VPS39: variants seen among roughly 807,000 people sequenced by gnomAD.
VPS39 encodes the protein vam6/Vps39-like protein.
In VPS39, 70 loss-of-function variants were observed where a neutral mutation model predicts 121.0. The observed-to-expected ratio is 0.58, with a 90% CI of 0.48 to 0.71. The LOEUF (loss-of-function observed/expected upper bound fraction) is 0.71. Among genes scored for constraint, VPS39 ranks in the 30% least tolerant of loss-of-function variants. The pLI, the probability that VPS39 is intolerant of heterozygous loss-of-function variation, is 0.00. For synonymous variants in VPS39, 378 were observed against 398.1 expected, an observed-to-expected ratio of 0.95 and a Z score of 0.60; for missense variants, 818 against 1,051.5, an observed-to-expected ratio of 0.78 and a Z score of 3.07.
intron 6 of VPS39, 58 bp from the exon 7 acceptor site, chr15:42,187,421 T>C: frequency 6.8e-7 from 1 of 1,481,384 alleles, no homozygotes. Flanking sequence ...AAATCATGAC[T>C]TTCCTGTTAT....
intron 8 of VPS39, among the ~76,000 whole-genome samples, chr15:42,179,614 TAAATAAATA>T (rs1286664601): frequency 4.1e-5 from 5 of 122,592 alleles, no homozygotes; most frequent in Non-Finnish European, 8.6e-5. Flanking sequence ...AATAAATAAA[TAAATAAATA>T]AAATAAAAAA....
intron 10 of VPS39, among the ~76,000 whole-genome samples, chr15:42,174,535 C>T (rs2049410023): frequency 6.6e-6 from 1 of 152,282 alleles, no homozygotes. Flanking sequence ...AATAGAAAAA[C>T]TGGCCAAATC....
intron 10 of VPS39, among the ~76,000 whole-genome samples, chr15:42,174,935 C>A (rs1388208871): frequency 6.6e-6 from 1 of 151,948 alleles, no homozygotes; most frequent in Admixed American, 6.6e-5. Context: ...GATCACGCCA[C>A]TGTACTCCAG....
intron 2 of VPS39, among the ~76,000 whole-genome samples, chr15:42,197,317 A>T (rs903998232): frequency 6.6e-6 from 1 of 151,976 alleles, no homozygotes; most frequent in Non-Finnish European, 1.5e-5. Flanking sequence ...CTAGAACTTA[A>T]AGTATAATTA....
intron 8 of VPS39, among the ~76,000 whole-genome samples, chr15:42,180,046 A>G (rs2049550050): frequency 6.6e-6 from 1 of 152,126 alleles, no homozygotes; most frequent in African/African-American, 2.4e-5. Context: ...CTTACCAGAC[A>G]CCAGATGCCG....
chr15:42,184,374 G>A (rs1412722654), intron 8 of VPS39, 143 bp downstream of exon 8: 12 of 791,906 alleles, frequency 1.5e-5, no homozygotes, highest in Non-Finnish European at 1.8e-5. Context: ...ACCCTAAAAT[G>A]TCATCTACTT....
intron 1 of VPS39, among the ~76,000 whole-genome samples, chr15:42,206,932 C>T (rs2050186368): frequency 6.6e-6 from 1 of 152,168 alleles, no homozygotes; most frequent in Admixed American, 6.5e-5. Flanking sequence ...CATTTAATGA[C>T]AGAAATTGGT....
Position 42,208,090 on chromosome 15 carries a change from C to T in VPS39, c.64G>A (p.Ala22Thr). The T allele has an allele frequency of 6.3e-7, 1 of 1,584,264 alleles. No homozygotes were observed. Among genetic ancestry groups the T allele is most frequent in the Non-Finnish European group, 8.6e-7 (1 of 1,164,626 alleles). Residue 22 changes from alanine (A) to threonine (T), a missense_variant, in exon 1 of 25, where the codon GCT (alanine) becomes ACT (threonine). Physicochemically the swap from Ala to Thr is moderately conservative, Grantham distance 58 (BLOSUM62 0). Transcript: ENST00000318006. The stretch of plus-strand genomic sequence containing the variant: ...CGGCCCCTCGGCTCACCCCAGGCAG[C>T]CAGACAGTCGATTTGCAGAGGCAGC... The part of the protein sequence containing the change: ...EKLPLQIDCL[A>T]AWEEWLLVGT...
At position 42,208,227 on chromosome 15, in the gene VPS39, T is replaced by C. The variant is rs1262703764; in HGVS notation, c.-74A>G. 1.3e-6 allele frequency: 2 copies of C among 1,542,366 alleles called. No individual in the cohort carries two copies. Among genetic ancestry groups the C allele is most frequent in the East Asian group, 2.4e-5 (1 of 40,842 alleles). ...GCCGGGCTGGGGTCCGGAACGAGTC[T>C]GGGCTAAGGGTAGACCGGGATCCGG... On this transcript the variant is annotated 5_prime_UTR_variant, in exon 1 of 25. Transcript: ENST00000318006.
In VPS39 at chr15:42,164,449, C is replaced by G; in HGVS notation, c.1935G>C (p.Glu645Asp). Reference protein sequence around the residue: ...TPVPAGEEEGELGEYRQKLLM... With the variant: ...TPVPAGEEEGDLGEYRQKLLM... ...GGAGCTTTTGCCGGTATTCTCCCAG[C>G]TCACCCTCTTCCTCTCCAGCTGGGA... The change falls in exon 19 of 25, where the codon GAG becomes GAC. Residue 645 changes from glutamate to aspartate, a missense_variant. Coordinates refer to ENST00000318006, the MANE Select transcript of VPS39 (RefSeq NM_015289.5). 1 of 1,613,952 alleles carries G rather than the reference C, an allele frequency of 6.2e-7. No homozygotes were observed. The highest frequency in any genetic ancestry group is 2.2e-5 in the East Asian group (1 of 44,892).
chr15:42,164,229 G>T, intron 19 of VPS39, 129 bp downstream of exon 19: 1 of 1,363,774 alleles, frequency 7.3e-7, no homozygotes, highest in Non-Finnish European at 1.0e-6. Flanking sequence ...CAAAACAGGA[G>T]CACTGGCCTG....
intron 7 of VPS39, 138 bp downstream of exon 7, chr15:42,187,133 T>C: frequency 1.6e-6 from 1 of 610,230 alleles, no homozygotes; most frequent in Non-Finnish European, 2.8e-6. Flanking sequence ...TGAGCATGAA[T>C]GATAACTACA....
chr15:42,194,828 A>T lies in VPS39; in HGVS notation c.140-3268T>A, dbSNP rs568472820. 3.0e-3 allele frequency among the ~76,000 whole-genome samples: 451 copies of T among 151,904 alleles called. 2 individuals are homozygous for T. Among genetic ancestry groups the T allele is most frequent in the Non-Finnish European group, 4.0e-3 (272 of 67,880 alleles). ...TACCACTGTTTTTTTCGTTTTTTTA[A>T]AAAAATCTCTATTTGAAGTTAGGTA... On this transcript the variant is annotated intron_variant, in intron 2 of 24. Coordinates refer to ENST00000318006, the MANE Select transcript of VPS39 (RefSeq NM_015289.5).
chr15:42,196,138 A>G (rs2049932439), intron 2 of VPS39, among the ~76,000 whole-genome samples: 1 of 152,206 alleles, frequency 6.6e-6, no homozygotes. Flanking sequence ...CTGAAACTGG[A>G]TCCCTTCCTT....
chr15:42,189,728 C>CAAA lies in VPS39; in HGVS notation c.248-523_248-521dup, dbSNP rs35437812. 6.8e-3 allele frequency among the ~76,000 whole-genome samples: 490 copies of CAAA among 71,568 alleles called. 27 individuals carry two copies. Among genetic ancestry groups the CAAA allele is most frequent in the Middle Eastern group, 0.034 (2 of 58 alleles). The allele number at this position is 71,568 out of a possible 152,430, so 47.0% of individuals were successfully genotyped here. On this transcript the variant is annotated intron_variant, in intron 4 of 24. Coordinates refer to ENST00000318006, the MANE Select transcript of VPS39 (RefSeq NM_015289.5). ...TGGGCGACAGAGTGAGACTCCGTCT[C>CAAA]AAAAAAAAAAAAAAAAAAAATTGGG...
At chr15:42,203,191 A>T (rs1156541964) in intron 1 of VPS39, among the ~76,000 whole-genome samples, 4 of 152,086 alleles carry the variant, frequency 2.6e-5, no homozygotes, top group Non-Finnish European at 5.9e-5. Context: ...AATTAGGCCG[A>T]GTGTGGTTGG....
chr15:42,188,407 A>G (rs533152683), intron 5 of VPS39, among the ~76,000 whole-genome samples: 53 of 152,338 alleles, frequency 3.5e-4, no homozygotes, highest in Middle Eastern at 3.4e-3. Flanking sequence ...ATAAAGAGCG[A>G]TATCTTTTCT....
chr15:42,198,508 A>G (rs902376582), intron 2 of VPS39, among the ~76,000 whole-genome samples: 3 of 152,050 alleles, frequency 2.0e-5, no homozygotes, highest in Non-Finnish European at 1.5e-5. Flanking sequence ...GTGCCACCAC[A>G]TCCAGCTAAT....
rs1373188761 is a variant in VPS39, at chr15:42,190,549, T to C, written c.247+576A>G. Reference sequence around the variant, plus strand: ...CTGCTCTGTCTCTTACCTGATATCCTGCCAATCTCCACCACATATCCTTAG... The same window carrying C: ...CTGCTCTGTCTCTTACCTGATATCCCGCCAATCTCCACCACATATCCTTAG... On this transcript the variant is annotated intron_variant, in intron 4 of 24. Coordinates refer to ENST00000318006, the MANE Select transcript of VPS39 (RefSeq NM_015289.5). Among the ~76,000 whole-genome samples the C allele has an allele frequency of 5.9e-5, 9 of 152,168 alleles. No homozygotes were observed. The South Asian group carries it at 1.7e-3, about 28-fold the overall frequency.
Sources: allele counts gnomAD v4.1 joint callset (sites outside exome capture counted in the v4.1 genomes callset), GRCh38; gene constraint gnomAD v4.1.1; transcripts MANE v1.5; gene names NCBI Gene and HGNC (gene_info 2026-07-23, HGNC 2026-07-21).